Variants in SLC14A2 observed in about 807,000 individuals in gnomAD.
The protein encoded by SLC14A2 is urea transporter 2.
SLC14A2 carries 91 observed loss-of-function variants against 104.6 expected under a neutral mutation model. The observed-to-expected ratio is 0.87, with a 90% CI of 0.73 to 1.04. SLC14A2 has a LOEUF of 1.04. SLC14A2 is among the 50% of genes least tolerant of loss of function. SLC14A2 has a pLI of 0.00. For missense variants in SLC14A2, 1,189 were observed against 1,156.0 expected (o/e 1.03, Z -0.41); for synonymous variants, 476 against 466.4 (o/e 1.02, Z -0.27).
intron 1 of SLC14A2, among the ~76,000 whole-genome samples, chr18:45,460,444 G>C (rs1475900435): frequency 6.6e-6 from 1 of 152,144 alleles, no homozygotes; most frequent in Admixed American, 6.5e-5. Context: ...AGATTCAAGG[G>C]ACCTTCCTGA....
intron 2 of SLC14A2, among the ~76,000 whole-genome samples, chr18:45,599,181 C>T (rs1302983878): frequency 6.6e-6 from 1 of 152,234 alleles, no homozygotes; most frequent in Non-Finnish European, 1.5e-5. Flanking sequence ...CTTTGCACAG[C>T]AGAACTTTCA....
At chr18:45,550,174 A>G (rs1367540217) in intron 2 of SLC14A2, 2 of 152,210 alleles carry the variant, frequency 1.3e-5, no homozygotes, top group African/African-American at 4.8e-5. Context: ...TGTACCCATT[A>G]CAATTTGAAC....
intron 1 of SLC14A2, among the ~76,000 whole-genome samples, chr18:45,344,808 C>T (rs551168226): frequency 3.3e-5 from 5 of 152,326 alleles, no homozygotes; most frequent in African/African-American, 9.6e-5. Context: ...GCACCTAATG[C>T]ATGACCCGTC....
Position 45,666,229 on chromosome 18 carries a change from G to C in SLC14A2, c.1557+10G>C. ...CACAGTCGAGCTGCTTGTGAGTACT[G>C]AGTGTCCTGAATCAGGGACAGCGCC... On this transcript the variant is annotated intron_variant, in intron 12 of 19. Coordinates refer to ENST00000255226, the MANE Select transcript of SLC14A2 (RefSeq NM_007163.4). The C allele has an allele frequency of 2.5e-6, 4 of 1,586,992 alleles. No individual in the cohort carries two copies. Among genetic ancestry groups the C allele is most frequent in the Non-Finnish European group, 1.7e-6 (2 of 1,155,084 alleles).
At chr18:45,328,600 A>G (rs925841667) in intron 1 of SLC14A2, among the ~76,000 whole-genome samples, 21 of 152,190 alleles carry the variant, frequency 1.4e-4, no homozygotes, top group African/African-American at 4.8e-4. Context: ...TAACAATAGG[A>G]TTAAATTTGT....
At chr18:45,179,084 T>G in the SLC14A2 span, among the ~76,000 whole-genome samples, 1 of 152,104 alleles carries the variant, frequency 6.6e-6, no homozygotes, top group Non-Finnish European at 1.5e-5. Flanking sequence ...CAAAATGAAG[T>G]CTTCCCAAGT....
At chr18:45,282,334 A>G (rs2084770967) in intron 1 of SLC14A2, among the ~76,000 whole-genome samples, 1 of 152,098 alleles carries the variant, frequency 6.6e-6, no homozygotes, top group African/African-American at 2.4e-5. Flanking sequence ...TTTGGACCCC[A>G]ACTTAGTTCT....
At chr18:45,269,967 T>G (rs1191780188) in intron 1 of SLC14A2, among the ~76,000 whole-genome samples, 2 of 152,208 alleles carry the variant, frequency 1.3e-5, no homozygotes, top group Non-Finnish European at 2.9e-5. Context: ...TAACTACTTG[T>G]GGCCTTTCTT....
chr18:45,657,488 G>GAA (rs76314316), intron 10 of SLC14A2, among the ~76,000 whole-genome samples: 2 of 82,802 alleles, frequency 2.4e-5, no homozygotes. Context: ...CTGTGTCAAG[G>GAA]AAAAAAAAAA....
At chr18:45,534,386 C>A (rs117338665) in intron 2 of SLC14A2, among the ~76,000 whole-genome samples, 110 of 152,172 alleles carry the variant, frequency 7.2e-4, no homozygotes, top group Non-Finnish European at 1.3e-3. Context: ...GAGGTACAGA[C>A]GCGACATGCC....
chr18:45,380,380 T>G (rs1404867332), intron 1 of SLC14A2, among the ~76,000 whole-genome samples: 3 of 152,166 alleles, frequency 2.0e-5, no homozygotes, highest in Non-Finnish European at 4.4e-5. Flanking sequence ...TATGGGCATC[T>G]GAGTAAGAGA....
At chr18:45,557,690 T>A (rs2144301517) in intron 2 of SLC14A2, among the ~76,000 whole-genome samples, 1 of 152,244 alleles carries the variant, frequency 6.6e-6, no homozygotes, top group Non-Finnish European at 1.5e-5. Flanking sequence ...AGTTTGTGAG[T>A]TAGGCATCCC....
intron 1 of SLC14A2, among the ~76,000 whole-genome samples, chr18:45,445,300 T>C (rs151087732): frequency 0.012 from 1,829 of 152,032 alleles, 28 homozygotes; most frequent in South Asian, 0.075. Flanking sequence ...TTAGTAGATA[T>C]GTGGTTTCAC....
chr18:45,310,686 G>A (rs115700232), intron 1 of SLC14A2, among the ~76,000 whole-genome samples: 2,201 of 152,306 alleles, frequency 0.014, 26 homozygotes, highest in Middle Eastern at 0.037. Flanking sequence ...TGCTGCTTTC[G>A]GAGATGTAAG....
Position 45,554,145 on chromosome 18 carries a change from T to A in SLC14A2, c.-34-70486T>A, listed in dbSNP as rs1359375951. 5.3e-5 allele frequency among the ~76,000 whole-genome samples: 8 copies of A among 152,134 alleles called. No individual in the cohort carries two copies. The East Asian group carries it at 1.5e-3, about 29-fold the overall frequency. On this transcript the variant is annotated intron_variant, in intron 2 of 20. Transcript: ENST00000586448. ...CGGTATGGTAGAAGAATTTGCAGGG[T>A]ATAATTATGCACCCCTTCAACATCC...
At chr18:45,276,155 G>A in intron 1 of SLC14A2, among the ~76,000 whole-genome samples, 1 of 152,224 alleles carries the variant, frequency 6.6e-6, no homozygotes. Context: ...GGTAAATGTA[G>A]TCTGTGGGGT....
At chr18:45,307,745 G>A (rs2085038544) in intron 1 of SLC14A2, among the ~76,000 whole-genome samples, 1 of 152,184 alleles carries the variant, frequency 6.6e-6, no homozygotes, top group Admixed American at 6.5e-5. Flanking sequence ...TTGAAAACTT[G>A]TAACACTAGA....
intron 2 of SLC14A2, among the ~76,000 whole-genome samples, chr18:45,530,859 C>T (rs2043674067): frequency 6.6e-6 from 1 of 151,928 alleles, no homozygotes; most frequent in South Asian, 2.1e-4. Flanking sequence ...CTCCCCCCAC[C>T]CCACAACAGT....
chr18:45,179,808 A>G, the SLC14A2 span: 1 of 152,042 alleles, frequency 6.6e-6, no homozygotes, highest in Admixed American at 6.6e-5. Context: ...AAGATTAACT[A>G]AAATTGAGAA....
Sources: allele counts gnomAD v4.1 joint callset (sites outside exome capture counted in the v4.1 genomes callset), GRCh38; gene constraint gnomAD v4.1.1; transcripts MANE v1.5; gene names NCBI Gene and HGNC (gene_info 2026-07-23, HGNC 2026-07-21).